MACROD2: variants seen among roughly 807,000 people sequenced by gnomAD.
The protein encoded by MACROD2 is mono-ADP ribosylhydrolase 2, also known as ADP-ribose glycohydrolase MACROD2.
A neutral mutation model predicts 70.4 loss-of-function variants in MACROD2; 36 were observed. That is an observed-to-expected ratio of 0.51 (90% CI 0.39 to 0.68). The LOEUF is 0.68. Among genes scored for constraint, MACROD2 ranks in the 30% least tolerant of loss-of-function variants. The pLI is 0.00. For missense variants in MACROD2, 496 were observed against 538.4 expected (o/e 0.92, Z 0.78); for synonymous variants, 172 against 178.8 (o/e 0.96, Z 0.30).
At chr20:14,841,271 C>T (rs2073084178) in intron 5 of MACROD2, among the ~76,000 whole-genome samples, 1 of 152,080 alleles carries the variant, frequency 6.6e-6, no homozygotes, top group Non-Finnish European at 1.5e-5. Flanking sequence ...GAGAGTTTCT[C>T]TGACAATCAA....
intron 5 of MACROD2, among the ~76,000 whole-genome samples, chr20:14,717,421 T>G (rs543668794): frequency 2.0e-5 from 3 of 152,242 alleles, no homozygotes; most frequent in East Asian, 3.9e-4. Flanking sequence ...TTGAAAAGAC[T>G]GAAATATGAG....
At chr20:14,176,512 T>C (rs970265785) in intron 3 of MACROD2, among the ~76,000 whole-genome samples, 1 of 152,176 alleles carries the variant, frequency 6.6e-6, no homozygotes, top group Non-Finnish European at 1.5e-5. Flanking sequence ...AAGTTCACCA[T>C]TGTAATATCA....
At chr20:15,271,129 TG>T (rs2077342614) in intron 6 of MACROD2, among the ~76,000 whole-genome samples, 1 of 152,166 alleles carries the variant, frequency 6.6e-6, no homozygotes, top group South Asian at 2.1e-4. Context: ...ATACCATAAA[TG>T]GGTGGCTTAT....
chr20:15,354,429 A>C (rs1300601833), intron 6 of MACROD2, among the ~76,000 whole-genome samples: 1 of 152,214 alleles, frequency 6.6e-6, no homozygotes, highest in Non-Finnish European at 1.5e-5. Context: ...GCAGTACACC[A>C]ACATGGCACA....
intron 8 of MACROD2, among the ~76,000 whole-genome samples, chr20:15,513,236 AC>A (rs766559384): frequency 2.0e-5 from 3 of 152,178 alleles, no homozygotes; most frequent in Non-Finnish European, 4.4e-5. Flanking sequence ...CAGCAAGCGA[AC>A]CCCTAAATAG....
chr20:14,173,488 T>C (rs1371320930), intron 3 of MACROD2, among the ~76,000 whole-genome samples: 1 of 152,164 alleles, frequency 6.6e-6, no homozygotes, highest in Non-Finnish European at 1.5e-5. Flanking sequence ...ATTTATGCTA[T>C]CTATTGCAGT....
intron 8 of MACROD2, among the ~76,000 whole-genome samples, chr20:15,632,164 T>A (rs573470071): frequency 6.9e-6 from 1 of 144,746 alleles, no homozygotes; most frequent in East Asian, 2.0e-4. Context: ...AAACTCTTAC[T>A]CAAAAAAAAA....
chr20:15,885,842 G>A (rs761073836), intron 10 of MACROD2, 31 bp downstream of exon 10: 1 of 1,488,420 alleles, frequency 6.7e-7, no homozygotes, highest in Admixed American at 2.6e-5. Flanking sequence ...TTATTAGGGG[G>A]TAGGTAGGGG....
intron 12 of MACROD2, among the ~76,000 whole-genome samples, chr20:15,938,478 T>C (rs1215050067): frequency 1.3e-5 from 2 of 152,150 alleles, no homozygotes; most frequent in Admixed American, 6.5e-5. Context: ...TCAGTGATCT[T>C]TGGTGTTACT....
chr20:14,858,911 A>T (rs1164029358), intron 5 of MACROD2, among the ~76,000 whole-genome samples: 2 of 152,156 alleles, frequency 1.3e-5, no homozygotes, highest in Admixed American at 6.6e-5. Context: ...ATTTAGGGGA[A>T]AAGAGGCAGA....
At chr20:15,599,284 C>T (rs549469415) in intron 8 of MACROD2, among the ~76,000 whole-genome samples, 30 of 151,842 alleles carry the variant, frequency 2.0e-4, no homozygotes, top group South Asian at 8.4e-4. Context: ...CCCAGCTACG[C>T]GGGAGGCTGA....
chr20:15,492,198 C>G (rs538530763), intron 7 of MACROD2, among the ~76,000 whole-genome samples: 23 of 152,234 alleles, frequency 1.5e-4, no homozygotes, highest in African/African-American at 5.1e-4. Flanking sequence ...CGGTGAGGCT[C>G]CTTCAGCTCA....
chr20:15,031,795 A>G (rs905879520), intron 5 of MACROD2, among the ~76,000 whole-genome samples: 1 of 151,558 alleles, frequency 6.6e-6, no homozygotes, highest in African/African-American at 2.4e-5. Context: ...TGGGCCATGG[A>G]CTCCACCCAG....
intron 2 of MACROD2, among the ~76,000 whole-genome samples, chr20:14,026,349 G>T (rs1290314340): frequency 3.3e-5 from 5 of 152,144 alleles, no homozygotes; most frequent in Admixed American, 1.3e-4. Flanking sequence ...TACATTTAAG[G>T]TTAATATTGT....
chr20:15,618,856 G>A (rs200751), intron 8 of MACROD2, among the ~76,000 whole-genome samples: 19 of 152,140 alleles, frequency 1.2e-4, no homozygotes, highest in Non-Finnish European at 1.8e-4. Flanking sequence ...GCTGTGCGGA[G>A]ACAGGAGTTT....
At chr20:14,518,887 T>C (rs1192541000) in intron 4 of MACROD2, among the ~76,000 whole-genome samples, 1 of 152,018 alleles carries the variant, frequency 6.6e-6, no homozygotes, top group Non-Finnish European at 1.5e-5. Flanking sequence ...TTTTGAAAAA[T>C]CACAATCCTT....
In MACROD2 at chr20:15,830,959, C is replaced by G. The variant is rs6131729; in HGVS notation, c.646-31786C>G. On this transcript the variant is annotated intron_variant, in intron 8 of 17. Transcript: ENST00000684519. Reference sequence around the variant, plus strand: ...GCATTCTTTTCTGTTCAGGGAAAGGCCTTTGTTGGGCCATGTGGTCTAATC... The same window carrying G: ...GCATTCTTTTCTGTTCAGGGAAAGGGCTTTGTTGGGCCATGTGGTCTAATC... 0.015 allele frequency among the ~76,000 whole-genome samples: 2,260 copies of G among 152,162 alleles called. 145 individuals are homozygous for G. In the East Asian group the frequency reaches 0.19, roughly 13 times the overall value.
chr20:14,916,710 T>G (rs1343368706), intron 5 of MACROD2, among the ~76,000 whole-genome samples: 2 of 152,092 alleles, frequency 1.3e-5, no homozygotes, highest in Non-Finnish European at 1.5e-5. Flanking sequence ...GTTATATAAT[T>G]CTCTCAACTT....
intron 3 of MACROD2, among the ~76,000 whole-genome samples, chr20:14,280,980 T>A (rs2082301764): frequency 6.6e-6 from 1 of 152,200 alleles, no homozygotes; most frequent in African/African-American, 2.4e-5. Flanking sequence ...CTTTAAAAAG[T>A]TATTGAGGCC....
Sources: gnomAD v4.1 joint callset for allele counts (sites outside exome capture counted in the v4.1 genomes callset) on GRCh38, gnomAD v4.1.1 for gene constraint, MANE v1.5 for transcripts, NCBI Gene and HGNC (gene_info 2026-07-23, HGNC 2026-07-21) for gene names.